The following ATF2 variants were observed in gnomAD, a reference collection of about 807,000 sequenced individuals.
ATF2 encodes the protein activating transcription factor 2.
In ATF2, 24 loss-of-function variants were observed where a neutral mutation model predicts 60.6. That is an observed-to-expected ratio of 0.40 (90% CI 0.29 to 0.56). ATF2 has a LOEUF of 0.56. ATF2 is among the 20% of genes least tolerant of loss of function. The pLI, the probability that ATF2 is intolerant of heterozygous loss-of-function variation, is 0.54. For missense variants in ATF2, 433 were observed against 607.7 expected, an observed-to-expected ratio of 0.71 and a Z score of 3.02; for synonymous variants, 206 against 215.4, an observed-to-expected ratio of 0.96 and a Z score of 0.38.
At chr2:175,094,123 T>TG (rs1318101585) in intron 11 of ATF2, among the ~76,000 whole-genome samples, 1 of 152,112 alleles carries the variant, frequency 6.6e-6, no homozygotes, top group Non-Finnish European at 1.5e-5. Context: ...CCGGGCGTGG[T>TG]GGCTCATGCC....
chr2:175,108,451 CGGG>C (rs1695896221), intron 10 of ATF2, among the ~76,000 whole-genome samples: 5 of 146,978 alleles, frequency 3.4e-5, no homozygotes, highest in African/African-American at 1.3e-4. Flanking sequence ...CAGCCCCGTC[CGGG>C]AGGGAGGTGG....
In ATF2 at chr2:175,078,106, T is replaced by C. The variant is rs116100954; in HGVS notation, c.1291+2554A>G. On this transcript the variant is annotated intron_variant, in intron 13 of 13. Coordinates refer to ENST00000264110, the MANE Select transcript of ATF2 (RefSeq NM_001880.4). ...CCTCAGCCTCCCAAGTAGCTGGGAC[T>C]ATAGGTGTGTGCCAAAATGCCTGGC... Among the ~76,000 whole-genome samples, 774 of 152,304 alleles carry C rather than the reference T, an allele frequency of 5.1e-3. 5 individuals carry two copies. The highest frequency in any genetic ancestry group is 0.017 in the African/African-American group (712 of 41,576).
intron 2 of ATF2, among the ~76,000 whole-genome samples, chr2:175,144,442 TAAGAA>T (rs1226043754): frequency 2.0e-5 from 3 of 151,902 alleles, no homozygotes; most frequent in African/African-American, 7.3e-5. Context: ...AAAATGCCAA[TAAGAA>T]AAGAGAATAA....
At chr2:175,102,105 T>C (rs1264981875) in intron 10 of ATF2, among the ~76,000 whole-genome samples, 1 of 152,098 alleles carries the variant, frequency 6.6e-6, no homozygotes, top group Non-Finnish European at 1.5e-5. Flanking sequence ...ACAAATGTAA[T>C]GAACATTTAT....
At chr2:175,113,038 A>G (rs1311904017) in intron 9 of ATF2, among the ~76,000 whole-genome samples, 2 of 140,646 alleles carry the variant, frequency 1.4e-5, no homozygotes, top group East Asian at 3.9e-4. Flanking sequence ...TAATAGAGAG[A>G]TTCATAAAGT....
intron 13 of ATF2, 25 bp downstream of exon 13, chr2:175,080,635 C>A: frequency 1.3e-6 from 2 of 1,584,758 alleles, no homozygotes; most frequent in Non-Finnish European, 1.7e-6. Flanking sequence ...TAGCCTAAGG[C>A]TATAGGTAAT....
chr2:175,077,551 A>G (rs1177960739), intron 13 of ATF2, among the ~76,000 whole-genome samples: 1 of 152,222 alleles, frequency 6.6e-6, no homozygotes, highest in African/African-American at 2.4e-5. Context: ...TGTTGAGTTC[A>G]AGGGACACAC....
chr2:175,095,317 C>T (rs1025754460), intron 11 of ATF2, among the ~76,000 whole-genome samples: 1 of 152,066 alleles, frequency 6.6e-6, no homozygotes, highest in Non-Finnish European at 1.5e-5. Context: ...GTCTCGAACT[C>T]CTGACCTCAG....
chr2:175,074,801 T>G lies in ATF2; in HGVS notation c.1326A>C (p.Ser442=). ...ADKDDSSEDI[S]VPSSPHTEAI... is the part of the protein sequence containing the mutation. ...CTTCTGTATGTGGACTACTCGGCACTGAAATGTCTTCTGAACTATCATCTT... is the reference window on the plus strand; with the variant it reads ...CTTCTGTATGTGGACTACTCGGCACGGAAATGTCTTCTGAACTATCATCTT... The change falls in exon 14 of 14, where the codon TCA becomes TCC. Residue 442 remains serine, a synonymous_variant. Coordinates refer to ENST00000264110, the MANE Select transcript of ATF2 (RefSeq NM_001880.4). 6.2e-7 allele frequency: 1 copy of G among 1,613,558 alleles called. No individual in the cohort carries two copies. Among genetic ancestry groups the G allele is most frequent in the Non-Finnish European group, 8.5e-7 (1 of 1,179,668 alleles).
intron 2 of ATF2, among the ~76,000 whole-genome samples, chr2:175,136,710 A>G (rs1226251012): frequency 6.6e-6 from 1 of 152,170 alleles, no homozygotes; most frequent in Non-Finnish European, 1.5e-5. Flanking sequence ...AAAGGGATTA[A>G]AAGTGGAAGA....
At chr2:175,081,948 C>T (rs1231951588) in intron 12 of ATF2, among the ~76,000 whole-genome samples, 1 of 152,080 alleles carries the variant, frequency 6.6e-6, no homozygotes, top group Non-Finnish European at 1.5e-5. Context: ...CTACTCACTA[C>T]TCTGGAGGCT....
At chr2:175,128,529 C>T (rs1017414543) in intron 4 of ATF2, among the ~76,000 whole-genome samples, 12 of 152,022 alleles carry the variant, frequency 7.9e-5, no homozygotes, top group African/African-American at 2.9e-4. Flanking sequence ...AGCTTCAACC[C>T]CTATCTCACA....
At chr2:175,120,700 A>G (rs1351816995) in intron 5 of ATF2, among the ~76,000 whole-genome samples, 1 of 151,750 alleles carries the variant, frequency 6.6e-6, no homozygotes, top group African/African-American at 2.4e-5. Flanking sequence ...TGAAATTTAT[A>G]TAGTTTTGTT....
rs1353011100 is a variant in ATF2, at chr2:175,120,041, A to G, written c.199+1403T>C. 2.0e-5 allele frequency among the ~76,000 whole-genome samples: 3 copies of G among 151,686 alleles called. No individual in the cohort carries two copies. The East Asian group carries it at 5.8e-4, about 29-fold the overall frequency. Reference sequence around the variant, plus strand: ...TCATCTCAACATGTTAGTGAAAAAAAAGGTCAAGTACTGTGTTTGAATGTG... The same window carrying G: ...TCATCTCAACATGTTAGTGAAAAAAGAGGTCAAGTACTGTGTTTGAATGTG... On this transcript the variant is annotated intron_variant, in intron 5 of 13. Coordinates refer to ENST00000264110, the MANE Select transcript of ATF2 (RefSeq NM_001880.4).
At chr2:175,129,965 C>G (rs1697613627) in intron 4 of ATF2, among the ~76,000 whole-genome samples, 173 bp downstream of exon 4, 1 of 151,886 alleles carries the variant, frequency 6.6e-6, no homozygotes, top group African/African-American at 2.4e-5. Context: ...CTCAGTTGCA[C>G]TATTGAAGAA....
intron 1 of ATF2, among the ~76,000 whole-genome samples, chr2:175,165,756 G>A (rs1474401351): frequency 6.6e-6 from 1 of 152,082 alleles, no homozygotes. Flanking sequence ...TGCAACCTCC[G>A]CCTCCCAGGT....
chr2:175,090,504 T>G (rs1395900459), intron 12 of ATF2, among the ~76,000 whole-genome samples: 1 of 152,078 alleles, frequency 6.6e-6, no homozygotes, highest in Non-Finnish European at 1.5e-5. Context: ...ATATAATGCT[T>G]TTTCTTTTTT....
intron 2 of ATF2, among the ~76,000 whole-genome samples, chr2:175,142,254 C>T (rs1465084308): frequency 1.3e-5 from 2 of 148,534 alleles, no homozygotes; most frequent in Non-Finnish European, 3.0e-5. Context: ...TGTTGCGTCT[C>T]GGCTCACTGC....
intron 12 of ATF2, among the ~76,000 whole-genome samples, 156 bp from the exon 13 acceptor site, chr2:175,080,921 A>T (rs1693716977): frequency 6.6e-6 from 1 of 152,216 alleles, no homozygotes; most frequent in Non-Finnish European, 1.5e-5. Flanking sequence ...AGCACAGGGC[A>T]GCTTTTATAT....
Sources: allele counts gnomAD v4.1 joint callset (sites outside exome capture counted in the v4.1 genomes callset), GRCh38; gene constraint gnomAD v4.1.1; transcripts MANE v1.5; gene names NCBI Gene and HGNC (gene_info 2026-07-23, HGNC 2026-07-21).